ZNF410: variants seen among roughly 807,000 people sequenced by gnomAD.
The protein encoded by ZNF410 is another partner for ARF 1.
In ZNF410, 18 loss-of-function variants were observed where a neutral mutation model predicts 54.8. The ratio of observed to expected loss-of-function variants is 0.33; its 90% CI spans 0.23 to 0.49. The LOEUF is 0.49. Ranked by LOEUF, ZNF410 falls within the 20% of genes least tolerant of loss-of-function variation. The pLI is 0.99. For synonymous variants in ZNF410, 191 were observed against 207.3 expected (o/e 0.92, Z 0.68); for missense variants, 405 against 569.6 (o/e 0.71, Z 2.94).
At chr14:73,909,318 T>A in intron 7 of ZNF410, 23 bp from the exon 8 acceptor site, 1 of 1,601,792 alleles carries the variant, frequency 6.2e-7, no homozygotes. Context: ...AGACTGAGTC[T>A]TTATCTCATT....
intron 8 of ZNF410, 63 bp downstream of exon 8, chr14:73,909,493 G>T: frequency 1.4e-6 from 2 of 1,381,086 alleles, no homozygotes; most frequent in Middle Eastern, 1.8e-4. Context: ...AAAGGGTTGT[G>T]GGGGTGATAT....
At chr14:73,910,894 A>C (rs2055567425) in intron 8 of ZNF410, among the ~76,000 whole-genome samples, 1 of 149,106 alleles carries the variant, frequency 6.7e-6, no homozygotes, top group African/African-American at 2.5e-5. Flanking sequence ...TAGTGAAGAT[A>C]AGGAGGGAAA....
At chr14:73,898,940 C>T (rs959380380) in intron 5 of ZNF410, among the ~76,000 whole-genome samples, 1 of 152,204 alleles carries the variant, frequency 6.6e-6, no homozygotes, top group African/African-American at 2.4e-5. Flanking sequence ...GGTTCTGATA[C>T]ATGTTAAAGC....
rs538738984 is a variant in ZNF410 at position 73,931,756 on chromosome 14, T to C, written c.*215T>C. 10 of 561,290 alleles carry C rather than the reference T, an allele frequency of 1.8e-5. No homozygotes were observed. In the Admixed American group the frequency reaches 2.1e-4, roughly 12 times the overall value. The allele number at this position is 561,290 out of a possible 1,614,324, so 34.8% of individuals were successfully genotyped here. ...ATCAGACAAGGAATGAAGCAATGAC[T>C]GTGGGCTGGGAAACTGTACCTACCT... is the stretch of plus-strand genomic sequence containing the variant. On this transcript the variant is annotated 3_prime_UTR_variant, in exon 12 of 12. Transcript: ENST00000555044.
At chr14:73,898,385 CTG>C (rs1427295321) in intron 5 of ZNF410, 123 bp downstream of exon 5, 1 of 1,069,504 alleles carries the variant, frequency 9.4e-7, no homozygotes, top group Non-Finnish European at 1.3e-6. Flanking sequence ...GGCTAGAAAT[CTG>C]TAAATTGTTT....
In ZNF410 at chr14:73,932,096, C is replaced by T; in HGVS notation, c.*555C>T. ...AAAAAAATAAATTACTTGAATCTCC[C>T]CTTGGCCCAGGCTGAGGTACTATCT... On this transcript the variant is annotated 3_prime_UTR_variant, in exon 12 of 12. Transcript: ENST00000555044. 2.2e-6 allele frequency: 1 copy of T among 451,542 alleles called. No individual in the cohort carries two copies. The highest frequency in any genetic ancestry group is 4.5e-6 in the Non-Finnish European group (1 of 223,388). 28.0% of individuals were successfully genotyped at this position (451,542 alleles called of 1,614,324 possible).
intron 8 of ZNF410, among the ~76,000 whole-genome samples, chr14:73,918,714 T>TCC (rs1195808387): frequency 0.29 from 32,258 of 113,128 alleles, 6,549 homozygotes; most frequent in Non-Finnish European, 0.4. Flanking sequence ...TTTTTTTTTT[T>TCC]CCCCTAAACG....
At chr14:73,920,663 G>T in intron 8 of ZNF410, 1 of 262,768 alleles carries the variant, frequency 3.8e-6, no homozygotes, top group Non-Finnish European at 7.4e-6. Context: ...AGAGGTCCAT[G>T]GAAGACTAAC....
At chr14:73,906,590 C>G (rs1274020571) in intron 7 of ZNF410, among the ~76,000 whole-genome samples, 1 of 152,232 alleles carries the variant, frequency 6.6e-6, no homozygotes, top group African/African-American at 2.4e-5. Flanking sequence ...AAGCTTTTCT[C>G]ATGCCTCAGC....
intron 9 of ZNF410, 39 bp downstream of exon 9, chr14:73,921,144 T>C (rs770993563): frequency 6.2e-7 from 1 of 1,608,422 alleles, no homozygotes; most frequent in Admixed American, 1.7e-5. Flanking sequence ...GTACTACTTC[T>C]AGGGTTCCAA....
Position 73,932,277 on chromosome 14 carries a change from CA to C in ZNF410, c.*737del. On this transcript the variant is annotated 3_prime_UTR_variant, in exon 12 of 12. Coordinates refer to ENST00000555044, the MANE Select transcript of ZNF410 (RefSeq NM_021188.3). Reference sequence around the variant, plus strand: ...CTTTAAATAAACAAAACAGCCCAGTCAGTTCTTTGGCTCTTGTTTTATACAA... The same window carrying C: ...CTTTAAATAAACAAAACAGCCCAGTCGTTCTTTGGCTCTTGTTTTATACAA... 1 of 331,618 alleles carries C rather than the reference CA, an allele frequency of 3.0e-6. No homozygotes were observed. The highest frequency in any genetic ancestry group is 5.9e-6 in the Non-Finnish European group (1 of 170,060). 20.5% of individuals were successfully genotyped at this position (331,618 alleles called of 1,614,324 possible).
chr14:73,929,609 G>A (rs557561747), intron 11 of ZNF410, among the ~76,000 whole-genome samples: 1 of 151,958 alleles, frequency 6.6e-6, no homozygotes, highest in Non-Finnish European at 1.5e-5. Context: ...GGCTGGGGTG[G>A]GAGGATCAAT....
chr14:73,896,587 G>A (rs1595387783), intron 4 of ZNF410, 53 bp downstream of exon 4: 1 of 1,416,474 alleles, frequency 7.1e-7, no homozygotes, highest in East Asian at 2.3e-5. Context: ...AAAATTAGGG[G>A]TGGGGCATAT....
intron 8 of ZNF410, among the ~76,000 whole-genome samples, chr14:73,915,249 G>T (rs1374298060): frequency 1.1e-5 from 1 of 88,778 alleles, no homozygotes; most frequent in African/African-American, 3.6e-5. Flanking sequence ...GTGATAGAGC[G>T]AGAATCTGTC....
intron 9 of ZNF410, 112 bp downstream of exon 9, chr14:73,921,217 A>C (rs2055750332): frequency 1.4e-6 from 2 of 1,410,024 alleles, no homozygotes; most frequent in South Asian, 2.7e-5. Context: ...GGGTAGATAG[A>C]CCTGGTCTCA....
chr14:73,887,033 C>T (rs1236892856), intron 1 of ZNF410, 118 bp downstream of exon 1: 2 of 152,964 alleles, frequency 1.3e-5, no homozygotes, highest in South Asian at 2.1e-4. Context: ...AGGAAACCGC[C>T]CTCCTTGGGC....
intron 1 of ZNF410, among the ~76,000 whole-genome samples, chr14:73,889,836 G>C (rs1217523547): frequency 4.2e-5 from 6 of 142,792 alleles, no homozygotes; most frequent in African/African-American, 1.5e-4. Flanking sequence ...TTGCTCTGTC[G>C]CCCGGGCTGG....
At chr14:73,901,271 T>C (rs1418413679) in intron 5 of ZNF410, among the ~76,000 whole-genome samples, 1 of 152,190 alleles carries the variant, frequency 6.6e-6, no homozygotes, top group Non-Finnish European at 1.5e-5. Context: ...TGAGTAGTTG[T>C]AACAGAAACC....
At chr14:73,917,314 G>A (rs2055682536) in intron 8 of ZNF410, among the ~76,000 whole-genome samples, 1 of 152,060 alleles carries the variant, frequency 6.6e-6, no homozygotes, top group African/African-American at 2.4e-5. Flanking sequence ...TATATCACCA[G>A]CTTGATATGT....
Sources: allele counts gnomAD v4.1 joint callset (sites outside exome capture counted in the v4.1 genomes callset), GRCh38; gene constraint gnomAD v4.1.1; transcripts MANE v1.5; gene names NCBI Gene and HGNC (gene_info 2026-07-23, HGNC 2026-07-21).